Variants in PPP2R5A observed in about 807,000 individuals in gnomAD.
PPP2R5A encodes the protein protein phosphatase 2 regulatory subunit B'alpha, also known as serine/threonine-protein phosphatase 2A 56 kDa regulatory subunit alpha isoform.
PPP2R5A carries 25 observed loss-of-function variants against 64.2 expected under a neutral mutation model. The ratio of observed to expected loss-of-function variants is 0.39; its 90% confidence interval spans 0.28 to 0.54. The LOEUF is 0.54. Ranked by LOEUF, PPP2R5A falls within the 20% of genes least tolerant of loss-of-function variation. The pLI, the probability that PPP2R5A is intolerant of heterozygous loss-of-function variation, is 0.67. For missense variants in PPP2R5A, 425 were observed against 576.3 expected, an observed-to-expected ratio of 0.74 and a Z score of 2.69; for synonymous variants, 198 against 201.2, an observed-to-expected ratio of 0.98 and a Z score of 0.13.
Position 212,300,555 on chromosome 1 carries a change from T to C in PPP2R5A, c.181+14264T>C, listed in dbSNP as rs190120822. 8.4e-3 allele frequency among the ~76,000 whole-genome samples: 1,284 copies of C among 152,316 alleles called. 5 individuals carry two copies. The highest frequency in any genetic ancestry group is 0.014 in the Non-Finnish European group (963 of 68,026). ...AAATTCCCACCCAGAGGAAATCTCT[T>C]TTAAATTTTTGAGCATCTTCCCATA... On this transcript the variant is annotated intron_variant, in intron 1 of 12. Transcript: ENST00000261461.
At chr1:212,355,762 A>G (rs976321993) in intron 8 of PPP2R5A, among the ~76,000 whole-genome samples, 1 of 151,956 alleles carries the variant, frequency 6.6e-6, no homozygotes, top group African/African-American at 2.4e-5. Context: ...GCATTCTTCT[A>G]TTGTGATTCA....
chr1:212,337,419 A>G (rs895013179), intron 3 of PPP2R5A, among the ~76,000 whole-genome samples: 2 of 152,160 alleles, frequency 1.3e-5, no homozygotes, highest in African/African-American at 4.8e-5. Flanking sequence ...TTTTAGGAAT[A>G]AGTTGTATTT....
At chr1:212,340,467 G>A (rs1271408016) in intron 3 of PPP2R5A, among the ~76,000 whole-genome samples, 2 of 152,188 alleles carry the variant, frequency 1.3e-5, no homozygotes, top group East Asian at 3.8e-4. Context: ...ATTAAGTTGT[G>A]CCGTTAATGA....
chr1:212,315,675 T>G (rs1337676787), intron 1 of PPP2R5A, among the ~76,000 whole-genome samples: 1 of 152,262 alleles, frequency 6.6e-6, no homozygotes, highest in Non-Finnish European at 1.5e-5. Context: ...TATTTTAATT[T>G]TATGTAAATA....
chr1:212,351,136 GA>G (rs1404832935), intron 8 of PPP2R5A, among the ~76,000 whole-genome samples: 1 of 151,236 alleles, frequency 6.6e-6, no homozygotes, highest in Admixed American at 6.6e-5. Context: ...AAACCTTGAC[GA>G]TTAGGGAGAG....
At chr1:212,332,009 ACTTTTT>A (rs987553541) in intron 2 of PPP2R5A, among the ~76,000 whole-genome samples, 1 of 152,226 alleles carries the variant, frequency 6.6e-6, no homozygotes, top group Non-Finnish European at 1.5e-5. Context: ...TACAAGGTTA[ACTTTTT>A]CTTTTACTAC....
intron 11 of PPP2R5A, 84 bp from the exon 12 acceptor site, chr1:212,358,601 CT>C: frequency 1.0e-6 from 1 of 994,944 alleles, no homozygotes. Flanking sequence ...ATCAGCCAAG[CT>C]TTAACCCATT....
At chr1:212,355,117 C>A (rs1659956036) in intron 8 of PPP2R5A, among the ~76,000 whole-genome samples, 1 of 152,158 alleles carries the variant, frequency 6.6e-6, no homozygotes, top group Non-Finnish European at 1.5e-5. Context: ...TTAAGTATTT[C>A]TTGCAAATTT....
intron 1 of PPP2R5A, among the ~76,000 whole-genome samples, chr1:212,290,006 A>G (rs919108427): frequency 1.3e-5 from 2 of 152,196 alleles, no homozygotes; most frequent in African/African-American, 4.8e-5. Context: ...AATTATATAG[A>G]TGTGCAGTCA....
At chr1:212,322,080 C>T (rs1035715199) in intron 1 of PPP2R5A, among the ~76,000 whole-genome samples, 3 of 151,174 alleles carry the variant, frequency 2.0e-5, no homozygotes, top group African/African-American at 4.9e-5. Flanking sequence ...CGCAGGCACT[C>T]GGCAGGCTGA....
At chr1:212,312,857 T>C (rs1381875038) in intron 1 of PPP2R5A, among the ~76,000 whole-genome samples, 4 of 152,184 alleles carry the variant, frequency 2.6e-5, no homozygotes, top group Admixed American at 1.3e-4. Context: ...ATTTGAAATA[T>C]ATAAATAGAA....
At chr1:212,324,207 A>G (rs1659367088) in intron 1 of PPP2R5A, among the ~76,000 whole-genome samples, 1 of 152,234 alleles carries the variant, frequency 6.6e-6, no homozygotes, top group African/African-American at 2.4e-5. Flanking sequence ...CCACAAACTT[A>G]AATGGTATAG....
At chr1:212,348,274 C>T in intron 6 of PPP2R5A, 115 bp from the exon 7 acceptor site, 1 of 681,900 alleles carries the variant, frequency 1.5e-6, no homozygotes, top group South Asian at 1.7e-5. Flanking sequence ...GATGAGCAGT[C>T]ATACAACACC....
At chr1:212,298,861 G>C (rs1303704597) in intron 1 of PPP2R5A, among the ~76,000 whole-genome samples, 1 of 40,690 alleles carries the variant, frequency 2.5e-5, no homozygotes, top group African/African-American at 2.5e-4. Flanking sequence ...CGGACGGGGC[G>C]GCTGGCCAGG....
At chr1:212,293,522 C>T (rs926233696) in intron 1 of PPP2R5A, among the ~76,000 whole-genome samples, 2 of 152,182 alleles carry the variant, frequency 1.3e-5, no homozygotes, top group African/African-American at 4.8e-5. Flanking sequence ...AAAATAAACT[C>T]TACTTCTCTG....
chr1:212,330,901 C>T (rs1659491766), intron 2 of PPP2R5A, among the ~76,000 whole-genome samples: 1 of 151,226 alleles, frequency 6.6e-6, no homozygotes, highest in East Asian at 1.9e-4. Flanking sequence ...GGCACAGTGG[C>T]TCATGCCTGT....
intron 1 of PPP2R5A, among the ~76,000 whole-genome samples, chr1:212,311,581 G>GCTCCTT (rs966686046): frequency 1.3e-5 from 2 of 151,936 alleles, no homozygotes; most frequent in Non-Finnish European, 2.9e-5. Context: ...TTTAGAGTGT[G>GCTCCTT]CTCCTTCTAC....
intron 1 of PPP2R5A, among the ~76,000 whole-genome samples, chr1:212,320,862 C>G (rs1467561719): frequency 4.2e-5 from 6 of 141,538 alleles, no homozygotes; most frequent in Non-Finnish European, 7.8e-5. Context: ...GGCAGAGGGG[C>G]TCCTCACTTC....
At chr1:212,307,669 C>T (rs1403208470) in intron 1 of PPP2R5A, among the ~76,000 whole-genome samples, 1 of 152,084 alleles carries the variant, frequency 6.6e-6, no homozygotes, top group African/African-American at 2.4e-5. Context: ...TTTATAGTTA[C>T]ATAATTATCT....
Sources: gnomAD v4.1 joint callset for allele counts (sites outside exome capture counted in the v4.1 genomes callset) on GRCh38, gnomAD v4.1.1 for gene constraint, MANE v1.5 for transcripts, NCBI Gene and HGNC (gene_info 2026-07-23, HGNC 2026-07-21) for gene names.